ACAN: variants seen among roughly 807,000 people sequenced by gnomAD.
The protein encoded by ACAN is aggrecan core protein.
ACAN carries 47 observed loss-of-function variants against 169.1 expected under a neutral mutation model. The observed-to-expected ratio is 0.28, with a 90% CI of 0.22 to 0.35. The LOEUF (loss-of-function observed/expected upper bound fraction) is 0.35, where lower values mean the gene tolerates loss of function less well. ACAN is among the 10% of genes least tolerant of loss of function. The pLI, the probability that ACAN is intolerant of heterozygous loss-of-function variation, is 1.00. For missense variants in ACAN, 2,716 were observed against 2,759.9 expected (o/e 0.98, Z 0.36); for synonymous variants, 1,115 against 1,112.2 (o/e 1.00, Z -0.05).
chr15:88,859,353 C>T lies in ACAN; in HGVS notation c.6768C>T (p.Ser2256=), dbSNP rs536229548. 5 of 1,597,300 alleles carry T rather than the reference C, an allele frequency of 3.1e-6. No individual in the cohort carries two copies. The East Asian group carries it at 6.8e-5, about 22-fold the overall frequency. The part of the protein sequence containing the change: ...EETHTVETAT[S]PTDASIPASP... ...CTCACACAGTCGAAACAGCCACCTC[C>T]CCAACAGATGCTTCCATCCCAGCTT... The change falls in exon 12 of 19, where the codon TCC becomes TCT. Residue 2256 remains serine, a synonymous_variant. Coordinates refer to ENST00000560601, the MANE Select transcript of ACAN (RefSeq NM_001369268.1).
Position 88,851,725 on chromosome 15 carries a change from AG to A in ACAN, c.2027-68del. The stretch of plus-strand genomic sequence containing the variant: ...CCTCAGAGTCCCCTAGCTCCCCTCA[AG>A]AAGGGCCAGCCAAGGACGGGTCACT... On this transcript the variant is annotated intron_variant, in intron 10 of 18. Coordinates refer to ENST00000560601, the MANE Select transcript of ACAN (RefSeq NM_001369268.1). The surrounding 1 kb of genome is among the most constrained non-coding windows in gnomAD (Gnocchi z 4.3). The A allele has an allele frequency of 6.7e-7, 1 of 1,485,612 alleles. No individual in the cohort carries two copies. The highest frequency in any genetic ancestry group is 9.0e-7 in the Non-Finnish European group (1 of 1,113,152). The allele number at this position is 1,485,612 out of a possible 1,614,324, so 92.0% of individuals were successfully genotyped here. A position where few individuals can be genotyped will look rare whatever the true frequency, so the allele number is the denominator to read the frequency against.
chr15:88,817,233 C>T (rs1895963447), intron 1 of ACAN, among the ~76,000 whole-genome samples: 1 of 152,164 alleles, frequency 6.6e-6, no homozygotes, highest in African/African-American at 2.4e-5. Context: ...CCTCTGCCTC[C>T]CGGGTTCAAG....
At chr15:88,853,770 ATACATACATACATACG>A (rs1451299085) in intron 11 of ACAN, among the ~76,000 whole-genome samples, 1 of 151,984 alleles carries the variant, frequency 6.6e-6, no homozygotes, top group Non-Finnish European at 1.5e-5. Flanking sequence ...ACATACATAC[ATACATACATACATACG>A]TACATACATA....
chr15:88,860,271 A>G, intron 12 of ACAN, 55 bp from the exon 13 acceptor site: 3 of 1,348,010 alleles, frequency 2.2e-6, no homozygotes, highest in Non-Finnish European at 3.1e-6. Flanking sequence ...CTTGGAGGCC[A>G]TGGTAGCCAG....
At chr15:88,819,820 G>A (rs943203387) in intron 1 of ACAN, among the ~76,000 whole-genome samples, 5 of 151,954 alleles carry the variant, frequency 3.3e-5, no homozygotes, top group African/African-American at 1.2e-4. Context: ...GTTATCAAAG[G>A]CCCTTTGAGG....
At chr15:88,865,976 C>A (rs1253629936) in intron 13 of ACAN, among the ~76,000 whole-genome samples, 2 of 152,168 alleles carry the variant, frequency 1.3e-5, no homozygotes, top group Non-Finnish European at 1.5e-5. Flanking sequence ...TGTGGCCCTT[C>A]TTTCCCTCCT....
At position 88,855,439 on chromosome 15, in the gene ACAN, G is replaced by A. The variant is rs1437653528; in HGVS notation, c.2854G>A (p.Gly952Arg). The A allele has an allele frequency of 3.1e-6, 5 of 1,613,746 alleles. No homozygotes were observed. The highest frequency in any genetic ancestry group is 4.2e-6 in the Non-Finnish European group (5 of 1,179,886). ...CCTAGAGGGCTCTGCCTCTGGAGTT[G>A]GGGATCTCAGTGGACTTCCTTCTGG... The part of the protein sequence containing the change: ...EILEGSASGV[G>R]DLSGLPSGEV... The change falls in exon 12 of 19, where the codon GGG becomes AGG. Residue 952 changes from glycine (G) to arginine (R), a missense_variant. Gly to Arg is a moderately radical substitution (Grantham distance 125). This residue lies in a region of ACAN where 1,283 missense variants were observed against 1,281.5 expected (regional missense o/e 1.00). Coordinates refer to ENST00000560601, the MANE Select transcript of ACAN (RefSeq NM_001369268.1).
At chr15:88,812,170 CT>C (rs761668880) in intron 1 of ACAN, among the ~76,000 whole-genome samples, 10 of 152,186 alleles carry the variant, frequency 6.6e-5, no homozygotes, top group Non-Finnish European at 1.3e-4. Context: ...CCCTCCCCAT[CT>C]GCCCTCTTCT....
intron 2 of ACAN, among the ~76,000 whole-genome samples, chr15:88,837,990 T>C (rs1312796435): frequency 6.7e-6 from 1 of 150,250 alleles, no homozygotes; most frequent in African/African-American, 2.5e-5. Flanking sequence ...TTGCACCTCC[T>C]CTATTGACAC....
chr15:88,854,723 G>A, intron 11 of ACAN, 129 bp from the exon 12 acceptor site: 1 of 996,730 alleles, frequency 1.0e-6, no homozygotes, highest in South Asian at 4.0e-5. Flanking sequence ...AAAGCATTTG[G>A]ACACGTTGCT....
At chr15:88,808,563 C>T (rs888417586) in intron 1 of ACAN, among the ~76,000 whole-genome samples, 3 of 152,150 alleles carry the variant, frequency 2.0e-5, no homozygotes, top group African/African-American at 4.8e-5. Flanking sequence ...CTATTTTGCC[C>T]TCCTTCCCCG....
intron 1 of ACAN, among the ~76,000 whole-genome samples, chr15:88,829,284 T>C (rs1596123735): frequency 6.6e-6 from 1 of 151,942 alleles, no homozygotes; most frequent in South Asian, 2.1e-4. Context: ...TCCCTGGGGG[T>C]GATGCTTGCA....
In ACAN at chr15:88,874,958, C is replaced by T. The variant is rs1048443529; in HGVS notation, c.*477C>T. ...CCTGAGAGCAGGAAGAACTCGGAAC[C>T]GCAGCTGAATGTATTGGATGAGAAG... On this transcript the variant is annotated 3_prime_UTR_variant, in exon 19 of 19. Transcript: ENST00000560601. The surrounding 1 kb of genome is among the most constrained non-coding windows in gnomAD (Gnocchi z 7.3). The T allele has an allele frequency of 3.4e-6, 1 of 293,196 alleles. No individual in the cohort carries two copies. Among genetic ancestry groups the T allele is most frequent in the Non-Finnish European group, 6.6e-6 (1 of 151,972 alleles). 18.2% of individuals were successfully genotyped at this position (293,196 alleles called of 1,614,324 possible).
rs1897119276 is a variant in ACAN at position 88,858,602 on chromosome 15, G to A, written c.6017G>A (p.Gly2006Glu). Residue 2006 changes from glycine to glutamate, a missense_variant, in exon 12 of 19, where the codon GGG (glycine) becomes GAG (glutamate). Physicochemically the swap from Gly to Glu is moderately conservative, Grantham distance 98. Coordinates refer to ENST00000560601, the MANE Select transcript of ACAN (RefSeq NM_001369268.1). This position sits in a 1 kb window ranked among gnomAD's most constrained non-coding sequence, Gnocchi z 4.0. The part of the protein sequence containing the change: ...GEPPGTPYFS[G>E]DFASTTNVSG... ...CCACCAGGTACTCCATATTTTAGTG[G>A]GGATTTTGCCAGCACCACCAATGTA... The A allele has an allele frequency of 8.1e-6, 13 of 1,613,922 alleles. No homozygotes were observed. In the East Asian group the frequency reaches 2.9e-4, roughly 36 times the overall value.
In ACAN at chr15:88,869,946, C is replaced by T. The variant is rs1897344080; in HGVS notation, c.7061-1436C>T. 6.6e-6 allele frequency among the ~76,000 whole-genome samples: 1 copy of T among 152,166 alleles called. No individual in the cohort carries two copies. Among genetic ancestry groups the T allele is most frequent in the Non-Finnish European group, 1.5e-5 (1 of 68,026 alleles). Reference sequence around the variant, plus strand: ...GTTGCACCCTCCAGCTCTGCCTGCCCAGCTCAGCCCTTAGCCACTGAAGGG... The same window carrying T: ...GTTGCACCCTCCAGCTCTGCCTGCCTAGCTCAGCCCTTAGCCACTGAAGGG... On this transcript the variant is annotated intron_variant, in intron 14 of 18. Coordinates refer to ENST00000560601, the MANE Select transcript of ACAN (RefSeq NM_001369268.1). This position sits in a 1 kb window ranked among gnomAD's most constrained non-coding sequence, Gnocchi z 4.2.
chr15:88,851,628 T>C lies in ACAN; in HGVS notation c.2027-166T>C, dbSNP rs1344187347. ...GATGGTGCATATGGATATTATATCA[T>C]TGGTGCCGATGGCTCTTACTAAGCG... On this transcript the variant is annotated intron_variant, in intron 10 of 18. Coordinates refer to ENST00000560601, the MANE Select transcript of ACAN (RefSeq NM_001369268.1). This position sits in a 1 kb window ranked among gnomAD's most constrained non-coding sequence, Gnocchi z 4.3. 2 of 716,294 alleles carry C rather than the reference T, an allele frequency of 2.8e-6. No individual in the cohort carries two copies. Among genetic ancestry groups the C allele is most frequent in the African/African-American group, 1.8e-5 (1 of 56,160 alleles). The allele number at this position is 716,294 out of a possible 1,614,324, so 44.4% of individuals were successfully genotyped here.
In ACAN at chr15:88,845,405, GGGAAGGAGGGGGA is replaced by G. The variant is rs1397877609; in HGVS notation, c.1052-98_1052-86del. ...ACAGTGGTGCCCTCCTGCCCCAGCA[GGGAAGGAGGGGGA>G]GCCATGCTCATCTCCAGCCCACTCC... On this transcript the variant is annotated intron_variant, in intron 6 of 18. Transcript: ENST00000560601. 8.1e-6 allele frequency: 12 copies of G among 1,483,574 alleles called. No homozygotes were observed. In the African/African-American group the frequency reaches 1.5e-4, roughly 19 times the overall value. The allele number at this position is 1,483,574 out of a possible 1,614,324, so 91.9% of individuals were successfully genotyped here.
rs1335370993 is a variant in ACAN, at chr15:88,868,415, A to G, written c.7060+86A>G. On this transcript the variant is annotated intron_variant, in intron 14 of 18. Transcript: ENST00000560601. This position sits in a 1 kb window ranked among gnomAD's most constrained non-coding sequence, Gnocchi z 5.2. ...CCTTTCCCTCCTAACAACAGGCTCC[A>G]GGCCCTGGCTGGGGCCCCCGAGGTT... 2 of 621,146 alleles carry G rather than the reference A, an allele frequency of 3.2e-6. No homozygotes were observed. The highest frequency in any genetic ancestry group is 5.8e-6 in the Non-Finnish European group (2 of 344,102). The allele number at this position is 621,146 out of a possible 1,614,324, so 38.5% of individuals were successfully genotyped here.
In ACAN at chr15:88,807,701, G is replaced by A. The variant is rs73463949; in HGVS notation, c.-8+3892G>A. On this transcript the variant is annotated intron_variant, in intron 1 of 18. Coordinates refer to ENST00000560601, the MANE Select transcript of ACAN (RefSeq NM_001369268.1). This position sits in a 1 kb window ranked among gnomAD's most constrained non-coding sequence, Gnocchi z 4.0. Reference sequence around the variant, plus strand: ...TTGAATCCAGGGCAAGAACGGAAACGGTGGAGTTTACTTTTAAAAACTCAG... The same window carrying A: ...TTGAATCCAGGGCAAGAACGGAAACAGTGGAGTTTACTTTTAAAAACTCAG... Among the ~76,000 whole-genome samples the A allele has an allele frequency of 4.4e-3, 668 of 151,898 alleles. 10 individuals carry two copies. Among genetic ancestry groups the A allele is most frequent in the African/African-American group, 0.015 (631 of 41,442 alleles).
Sources: gnomAD v4.1 joint callset for allele counts (sites outside exome capture counted in the v4.1 genomes callset) on GRCh38, gnomAD v4.1.1 for gene constraint, gnomAD v4.1.1 regional missense constraint, Gnocchi (gnomAD v3.1) non-coding constraint, MANE v1.5 for transcripts, NCBI Gene and HGNC (gene_info 2026-07-23, HGNC 2026-07-21) for gene names.